SLC8A3: variants seen among roughly 807,000 people sequenced by gnomAD.
SLC8A3 encodes sodium/calcium exchanger 3.
In SLC8A3, 37 loss-of-function variants were observed where a neutral mutation model predicts 65.4. That is an observed-to-expected ratio of 0.57 (90% CI 0.44 to 0.74). The LOEUF (loss-of-function observed/expected upper bound fraction) is 0.74, where lower values mean the gene tolerates loss of function less well. Ranked by LOEUF, SLC8A3 falls within the 30% of genes least tolerant of loss-of-function variation. SLC8A3 has a pLI of 0.00. For missense variants in SLC8A3, 1,112 were observed against 1,172.1 expected, an observed-to-expected ratio of 0.95 and a Z score of 0.75; for synonymous variants, 461 against 444.5, an observed-to-expected ratio of 1.04 and a Z score of -0.47.
chr14:70,171,017 G>A (rs535645460), intron 1 of SLC8A3, among the ~76,000 whole-genome samples: 1 of 152,206 alleles, frequency 6.6e-6, no homozygotes, highest in Non-Finnish European at 1.5e-5. Flanking sequence ...TTCATTCAGA[G>A]GTTTGACACT....
intron 5 of SLC8A3, among the ~76,000 whole-genome samples, chr14:70,049,632 A>T (rs775691026): frequency 1.9e-4 from 15 of 79,952 alleles, no homozygotes; most frequent in Non-Finnish European, 2.7e-4. Flanking sequence ...ATGTATAATT[A>T]AAAAAAAAAA....
chr14:70,087,899 T>A (rs1275802956), intron 2 of SLC8A3, among the ~76,000 whole-genome samples: 1 of 152,246 alleles, frequency 6.6e-6, no homozygotes, highest in African/African-American at 2.4e-5. Flanking sequence ...TGCTACAAAT[T>A]GACAAGGCAT....
chr14:70,078,413 T>C (rs1474026715), intron 2 of SLC8A3, among the ~76,000 whole-genome samples: 1 of 152,244 alleles, frequency 6.6e-6, no homozygotes, highest in Non-Finnish European at 1.5e-5. Flanking sequence ...AGCATTTTTT[T>C]CTGAAGAACT....
At chr14:70,060,757 C>A (rs1368065773) in intron 3 of SLC8A3, 79 bp downstream of exon 3, 1 of 864,258 alleles carries the variant, frequency 1.2e-6, no homozygotes, top group Admixed American at 1.7e-5. Flanking sequence ...GCTGCTTTTT[C>A]TTTTTTGTTG....
At chr14:70,083,013 G>C (rs1891168388) in intron 2 of SLC8A3, among the ~76,000 whole-genome samples, 1 of 152,120 alleles carries the variant, frequency 6.6e-6, no homozygotes. Flanking sequence ...AAGGAGACGT[G>C]ACCTAGTCAC....
chr14:70,176,271 A>G (rs1162478969), intron 1 of SLC8A3, among the ~76,000 whole-genome samples: 1 of 152,204 alleles, frequency 6.6e-6, no homozygotes, highest in Non-Finnish European at 1.5e-5. Context: ...TGTTTTTCCC[A>G]TGGCTGGGTC....
chr14:70,162,454 G>A (rs778053083), intron 2 of SLC8A3, among the ~76,000 whole-genome samples: 4 of 152,164 alleles, frequency 2.6e-5, no homozygotes, highest in Admixed American at 6.5e-5. Flanking sequence ...GTTGGAGAAC[G>A]TGCAGCACAG....
Position 70,097,301 on chromosome 14 carries a change from A to AAC in SLC8A3, c.1785-36364_1785-36363dup, listed in dbSNP as rs1241509768. Among the ~76,000 whole-genome samples, 32 of 152,040 alleles carry AAC rather than the reference A, an allele frequency of 2.1e-4. No individual in the cohort carries two copies. The East Asian group carries it at 5.8e-3, about 28-fold the overall frequency. On this transcript the variant is annotated intron_variant, in intron 2 of 6. Coordinates refer to ENST00000356921, the MANE Select transcript of SLC8A3 (RefSeq NM_182932.3). ...CATTTTCCTTTAAAAAAAAAAAAAA[A>AAC]ACACCTCTTTGAAGATGAATGAAAT...
chr14:70,079,257 G>T (rs1890815529), intron 2 of SLC8A3, among the ~76,000 whole-genome samples: 1 of 150,562 alleles, frequency 6.6e-6, no homozygotes, highest in Admixed American at 6.7e-5. Context: ...GTGGAGGTGG[G>T]TGGATCACTT....
intron 2 of SLC8A3, among the ~76,000 whole-genome samples, chr14:70,100,207 A>G (rs573002782): frequency 6.6e-5 from 10 of 152,330 alleles, no homozygotes; most frequent in Admixed American, 4.6e-4. Flanking sequence ...AGTGTTGCTT[A>G]GAAGGTGGTG....
At chr14:70,185,960 A>G (rs892893168) in intron 1 of SLC8A3, among the ~76,000 whole-genome samples, 23 of 152,234 alleles carry the variant, frequency 1.5e-4, no homozygotes, top group Non-Finnish European at 3.2e-4. Flanking sequence ...ATGAATAAAC[A>G]AATATTTTTC....
At chr14:70,110,767 G>A (rs147280346) in intron 2 of SLC8A3, among the ~76,000 whole-genome samples, 5,074 of 141,248 alleles carry the variant, frequency 0.036, 126 homozygotes, top group African/African-American at 0.063. Context: ...TGAAAGTTAC[G>A]CCTCCCAGGT....
chr14:70,044,922 C>T lies in SLC8A3; in HGVS notation c.*1025G>A, dbSNP rs1886587060. ...AGATCTCACTGGTTGGACATCTCTT[C>T]TCTCCTGCCTCAGGTACAAAGCCAA... On this transcript the variant is annotated 3_prime_UTR_variant, in exon 7 of 7. Coordinates refer to ENST00000356921, the MANE Select transcript of SLC8A3 (RefSeq NM_182932.3). 1 of 152,244 alleles carries T rather than the reference C, an allele frequency of 6.6e-6. No homozygotes were observed. The allele number at this position is 152,244 out of a possible 1,614,324, so 9.4% of individuals were successfully genotyped here.
chr14:70,144,320 T>G (rs1474317542), intron 2 of SLC8A3, among the ~76,000 whole-genome samples: 3 of 142,806 alleles, frequency 2.1e-5, no homozygotes, highest in East Asian at 2.1e-4. Flanking sequence ...TTTTTTTTTT[T>G]TTTTTTTTTT....
intron 3 of SLC8A3, among the ~76,000 whole-genome samples, chr14:70,058,870 G>A (rs1888452935): frequency 6.6e-6 from 1 of 152,216 alleles, no homozygotes. Context: ...GGAAACTGAT[G>A]AAGGTGACTT....
chr14:70,072,937 C>T (rs1890145053), intron 2 of SLC8A3, among the ~76,000 whole-genome samples: 1 of 152,202 alleles, frequency 6.6e-6, no homozygotes, highest in Non-Finnish European at 1.5e-5. Flanking sequence ...CATGAGCTAC[C>T]ATGCCTGGCC....
intron 2 of SLC8A3, among the ~76,000 whole-genome samples, chr14:70,159,938 A>G (rs1006821763): frequency 6.6e-6 from 1 of 152,154 alleles, no homozygotes; most frequent in Non-Finnish European, 1.5e-5. Context: ...GAGTTTTCTC[A>G]TACTATCAGC....
Position 70,167,976 on chromosome 14 carries a change from G to C in SLC8A3, c.447C>G (p.Leu149=). Residue 149 remains leucine, a synonymous_variant, in exon 2 of 7, where the codon CTC becomes CTG. Transcript: ENST00000356921. ...GACCACACACCTCAATTAAAGAGAGGAGTATCTCAGGAGCAGAGGAACCCA... is the reference window on the plus strand; with the variant it reads ...GACCACACACCTCAATTAAAGAGAGCAGTATCTCAGGAGCAGAGGAACCCA... ...MALGSSAPEI[L]LSLIEVCGHG... is the part of the protein sequence containing the mutation. 4 of 1,614,136 alleles carry C rather than the reference G, an allele frequency of 2.5e-6. No individual in the cohort carries two copies. The highest frequency in any genetic ancestry group is 3.4e-6 in the Non-Finnish European group (4 of 1,180,002).
intron 3 of SLC8A3, chr14:70,059,034 G>A (rs1455277779): frequency 1.3e-5 from 2 of 152,238 alleles, no homozygotes; most frequent in Non-Finnish European, 2.9e-5. Context: ...AATACAATGT[G>A]GGAAACAATA....
Sources: gnomAD v4.1 joint callset for allele counts (sites outside exome capture counted in the v4.1 genomes callset) on GRCh38, gnomAD v4.1.1 for gene constraint, MANE v1.5 for transcripts, NCBI Gene and HGNC (gene_info 2026-07-23, HGNC 2026-07-21) for gene names.